Variants in THOC1 observed in about 807,000 individuals in gnomAD.
THOC1 encodes THO complex subunit 1, also known as THO complex 1.
A neutral mutation model predicts 97.3 loss-of-function variants in THOC1; 29 were observed. The ratio of observed to expected loss-of-function variants is 0.30; its 90% CI spans 0.22 to 0.41. THOC1 has a LOEUF of 0.41. Among genes scored for constraint, THOC1 ranks in the 10% least tolerant of loss-of-function variants. The pLI, the probability that THOC1 is intolerant of heterozygous loss-of-function variation, is 1.00. For missense variants in THOC1, 529 were observed against 761.9 expected (o/e 0.69, Z 3.60); for synonymous variants, 255 against 257.0 (o/e 0.99, Z 0.07).
At position 214,603 on chromosome 18, in the gene THOC1, A is replaced by C; in HGVS notation, c.*23T>G. ...TGGTAACAAAATCTATCACAGTTTT[A>C]ATAAAAAGAAAAAAAAAAGAAGCTA... On this transcript the variant is annotated 3_prime_UTR_variant, in exon 21 of 21. Coordinates refer to ENST00000261600, the MANE Select transcript of THOC1 (RefSeq NM_005131.3). The C allele has an allele frequency of 6.3e-7, 1 of 1,575,250 alleles. No homozygotes were observed. Among genetic ancestry groups the C allele is most frequent in the South Asian group, 1.2e-5 (1 of 84,818 alleles).
In THOC1 at chr18:268,012, G is replaced by A. The variant is rs759934263; in HGVS notation, c.8C>T (p.Pro3Leu). 6.9e-6 allele frequency: 11 copies of A among 1,605,352 alleles called. No homozygotes were observed. Among genetic ancestry groups the A allele is most frequent in the East Asian group, 2.2e-5 (1 of 44,538 alleles). Residue 3 changes from proline (P) to leucine (L), a missense_variant, in exon 1 of 21, where the codon CCG becomes CTG. Transcript: ENST00000261600. Reference protein sequence around the residue: MSPTPPLFSLPEA... With the variant: MSLTPPLFSLPEA... The stretch of plus-strand genomic sequence containing the variant: ...GGGCAAACTGAAGAGCGGCGGCGTC[G>A]GAGACATCTTCTCGGCTGCGCGTGC...
intron 11 of THOC1, among the ~76,000 whole-genome samples, chr18:236,855 GA>G (rs1911720648): frequency 6.6e-6 from 1 of 152,038 alleles, no homozygotes; most frequent in African/African-American, 2.4e-5. Flanking sequence ...AGTTAGTTCA[GA>G]ATGTTTTCAC....
chr18:215,605 G>C (rs1910852623), intron 19 of THOC1, 101 bp from the exon 20 acceptor site: 2 of 919,916 alleles, frequency 2.2e-6, no homozygotes, highest in South Asian at 2.9e-5. Context: ...TCCAAGTACA[G>C]GGTGCCAGAA....
At chr18:245,465 G>A (rs188036286) in intron 11 of THOC1, 15 of 152,322 alleles carry the variant, frequency 9.8e-5, no homozygotes, top group Admixed American at 6.5e-4. Context: ...TGAGCAAGCA[G>A]ATGGACACAA....
chr18:261,849 C>T (rs1912616374), intron 4 of THOC1, among the ~76,000 whole-genome samples: 2 of 152,190 alleles, frequency 1.3e-5, no homozygotes, highest in African/African-American at 4.8e-5. Context: ...TTGGGAATCT[C>T]ATCTAAAAAT....
intron 11 of THOC1, among the ~76,000 whole-genome samples, chr18:237,566 C>T (rs1052209463): frequency 2.6e-5 from 4 of 151,994 alleles, no homozygotes; most frequent in Non-Finnish European, 5.9e-5. Flanking sequence ...CAAGCCTAAA[C>T]ACCAAATGTT....
intron 11 of THOC1, among the ~76,000 whole-genome samples, chr18:231,509 ACAT>A (rs1277571993): frequency 1.3e-5 from 2 of 152,218 alleles, no homozygotes; most frequent in Non-Finnish European, 2.9e-5. Flanking sequence ...CTGTCATAAC[ACAT>A]CAGCTGAGAT....
In THOC1 at chr18:242,174, A is replaced by G. The variant is rs535107678; in HGVS notation, c.918+4150T>C. Among the ~76,000 whole-genome samples the G allele has an allele frequency of 6.6e-6, 1 of 152,088 alleles. No individual in the cohort carries two copies. Among genetic ancestry groups the G allele is most frequent in the Non-Finnish European group, 1.5e-5 (1 of 68,022 alleles). ...TTGCCACATGACTGGCCTATCTCCA[A>G]CTATAAAGTTTATATCATCTGGCTG... On this transcript the variant is annotated intron_variant, in intron 11 of 20. Coordinates refer to ENST00000261600, the MANE Select transcript of THOC1 (RefSeq NM_005131.3). This position sits in a 1 kb window ranked among gnomAD's most constrained non-coding sequence, Gnocchi z 4.5.
chr18:229,456 C>T (rs2041438469), intron 11 of THOC1, among the ~76,000 whole-genome samples: 3 of 151,596 alleles, frequency 2.0e-5, no homozygotes, highest in South Asian at 2.1e-4. Context: ...CTGAGGCGGG[C>T]GGATCACAAG....
intron 4 of THOC1, chr18:263,576 T>G (rs529642464): frequency 5.9e-5 from 9 of 153,502 alleles, no homozygotes; most frequent in African/African-American, 2.2e-4. Flanking sequence ...TCCTGACTCC[T>G]TTAGACTGAA....
intron 10 of THOC1, 82 bp downstream of exon 10, chr18:247,767 G>A: frequency 1.3e-6 from 1 of 793,314 alleles, no homozygotes; most frequent in Non-Finnish European, 2.1e-6. Flanking sequence ...ATAGTGAAAA[G>A]TATGTTAGAC....
At chr18:222,763 T>G (rs1208322644) in intron 17 of THOC1, among the ~76,000 whole-genome samples, 1 of 152,216 alleles carries the variant, frequency 6.6e-6, no homozygotes, top group East Asian at 1.9e-4. Context: ...AGTTTAACTT[T>G]GCTCCTTTGT....
intron 4 of THOC1, chr18:263,700 C>T (rs756146789): frequency 3.8e-4 from 81 of 213,990 alleles, no homozygotes; most frequent in Non-Finnish European, 5.5e-4. Context: ...ATTAGCTCCA[C>T]ATAAGCAGGG....
rs190379836 is a variant in THOC1 at position 214,983 on chromosome 18, T to C, written c.1679-62A>G. On this transcript the variant is annotated intron_variant, in intron 20 of 20. Coordinates refer to ENST00000261600, the MANE Select transcript of THOC1 (RefSeq NM_005131.3). ...TAAGTATACAACAGAAATGGAAAGC[T>C]ATGGGGCCAATAAGTTTTATTAACC... is the stretch of plus-strand genomic sequence containing the variant. The C allele has an allele frequency of 6.3e-3, 9,493 of 1,500,000 alleles. 50 individuals carry two copies. The highest frequency in any genetic ancestry group is 7.9e-3 in the Non-Finnish European group (8,726 of 1,099,950). The allele number at this position is 1,500,000 out of a possible 1,614,324, so 92.9% of individuals were successfully genotyped here.
At chr18:221,829 CT>C (rs1254230873) in intron 17 of THOC1, among the ~76,000 whole-genome samples, 1 of 152,046 alleles carries the variant, frequency 6.6e-6, no homozygotes, top group African/African-American at 2.4e-5. Flanking sequence ...ACGATGGTCT[CT>C]ATCTCCTGAC....
chr18:265,383 T>TC lies in THOC1; in HGVS notation c.129-21dup. 2 of 1,599,776 alleles carry TC rather than the reference T, an allele frequency of 1.3e-6. No individual in the cohort carries two copies. The highest frequency in any genetic ancestry group is 1.7e-6 in the Non-Finnish European group (2 of 1,174,070). ...TTTTCACTATTAAAAACAAAAGACA[T>TC]CCTCATTTTTCAAACAGCTCAGGGT... On this transcript the variant is annotated intron_variant, in intron 2 of 20. Coordinates refer to ENST00000261600, the MANE Select transcript of THOC1 (RefSeq NM_005131.3).
chr18:214,694 C>T lies in THOC1; in HGVS notation c.1906G>A (p.Ala636Thr). 1 of 1,613,862 alleles carries T rather than the reference C, an allele frequency of 6.2e-7. No homozygotes were observed. Among genetic ancestry groups the T allele is most frequent in the South Asian group, 1.1e-5 (1 of 91,072 alleles). ...VHATPENLINALNKSGLSDLA... is the reference protein window; with the variant it reads ...VHATPENLINTLNKSGLSDLA... ...TCACTTAATCCAGACTTATTCAGTG[C>T]ATTAATCAGATTCTCAGGTGTTGCA... Residue 636 changes from alanine (A) to threonine (T), a missense_variant, in exon 21 of 21, where the codon GCA becomes ACA. This residue lies in a region of THOC1 where 98 missense variants were observed against 111.9 expected (regional missense o/e 0.88). Transcript: ENST00000261600.
rs568202804 is a variant in THOC1 at position 228,972 on chromosome 18, C to A, written c.919-2071G>T. ...AATACTACTTTACCACCCCTTCTCACTTTCAGTAGATAACTACTTTTGCCT... is the reference window on the plus strand; with the variant it reads ...AATACTACTTTACCACCCCTTCTCAATTTCAGTAGATAACTACTTTTGCCT... On this transcript the variant is annotated intron_variant, in intron 11 of 20. Transcript: ENST00000261600. 3.3e-5 allele frequency among the ~76,000 whole-genome samples: 5 copies of A among 152,356 alleles called. No individual in the cohort carries two copies. In the South Asian group the frequency reaches 1.0e-3, roughly 32 times the overall value.
chr18:250,058 A>G (rs598617), intron 9 of THOC1, among the ~76,000 whole-genome samples: 25,054 of 152,230 alleles, frequency 0.16, 2,375 homozygotes, highest in Non-Finnish European at 0.23. Flanking sequence ...GTTGCTAATT[A>G]CCATCTCCTA....
Sources: allele counts gnomAD v4.1 joint callset (sites outside exome capture counted in the v4.1 genomes callset), GRCh38; gene constraint gnomAD v4.1.1; regional missense constraint gnomAD v4.1.1; non-coding constraint Gnocchi (gnomAD v3.1); transcripts MANE v1.5; gene names NCBI Gene and HGNC (gene_info 2026-07-23, HGNC 2026-07-21).